LHPP: variants seen among roughly 807,000 people sequenced by gnomAD.
The protein encoded by LHPP is phospholysine phosphohistidine inorganic pyrophosphate phosphatase.
LHPP carries 24 observed loss-of-function variants against 30.3 expected under a neutral mutation model. The observed-to-expected ratio is 0.79, with a 90% CI of 0.57 to 1.11. The LOEUF (loss-of-function observed/expected upper bound fraction) is 1.11, where lower values mean the gene tolerates loss of function less well. LHPP is among the 50% of genes most tolerant of loss of function. LHPP has a pLI of 0.00. For synonymous variants in LHPP, 150 were observed against 157.1 expected (o/e 0.95, Z 0.34); for missense variants, 356 against 367.2 (o/e 0.97, Z 0.25).
intron 1 of LHPP, among the ~76,000 whole-genome samples, chr10:124,462,308 A>C (rs1231991920): frequency 6.6e-6 from 1 of 152,028 alleles, no homozygotes; most frequent in Non-Finnish European, 1.5e-5. Context: ...GATTAACAAG[A>C]CTTAGCCGGG....
intron 1 of LHPP, among the ~76,000 whole-genome samples, chr10:124,476,936 G>A (rs759451995): frequency 2.0e-5 from 3 of 152,170 alleles, no homozygotes; most frequent in Admixed American, 1.3e-4. Context: ...GCCGGGTGCC[G>A]GTGGCTTACG....
rs1021190883 is a variant in LHPP at position 124,593,263 on chromosome 10, C to T, written c.717-20001C>T. 3.3e-5 allele frequency among the ~76,000 whole-genome samples: 5 copies of T among 152,130 alleles called. No homozygotes were observed. Among genetic ancestry groups the T allele is most frequent in the South Asian group, 2.1e-4 (1 of 4,822 alleles). ...CTCTTTCTCTTTGGGTCCTGCAGCC[C>T]GTGGGTGGCAGGGCGGTAACCCCAT... On this transcript the variant is annotated intron_variant, in intron 6 of 6. Coordinates refer to ENST00000368842, the MANE Select transcript of LHPP (RefSeq NM_022126.4). This position sits in a 1 kb window ranked among gnomAD's most constrained non-coding sequence, Gnocchi z 4.9.
intron 1 of LHPP, among the ~76,000 whole-genome samples, chr10:124,473,671 G>T (rs1438671312): frequency 1.3e-5 from 2 of 152,170 alleles, no homozygotes; most frequent in African/African-American, 4.8e-5. Context: ...CCAATGTTTG[G>T]GTGGGGCGAG....
Position 124,549,005 on chromosome 10 carries a change from T to C in LHPP, c.716+31734T>C, listed in dbSNP as rs932711251. 2.6e-5 allele frequency among the ~76,000 whole-genome samples: 4 copies of C among 152,336 alleles called. No homozygotes were observed. The East Asian group carries it at 7.7e-4, about 29-fold the overall frequency. On this transcript the variant is annotated intron_variant, in intron 6 of 6. Coordinates refer to ENST00000368842, the MANE Select transcript of LHPP (RefSeq NM_022126.4). Reference sequence around the variant, plus strand: ...ATAAATACATGCATGGCAAAACACTTGACATCTATTAACTTCTAAGTGGCA... The same window carrying C: ...ATAAATACATGCATGGCAAAACACTCGACATCTATTAACTTCTAAGTGGCA...
At chr10:124,549,319 G>C (rs763528714) in intron 6 of LHPP, among the ~76,000 whole-genome samples, 67 of 152,022 alleles carry the variant, frequency 4.4e-4, no homozygotes, top group Non-Finnish European at 8.8e-5. Flanking sequence ...TGTAGCCCCA[G>C]CTACTCGGGA....
chr10:124,462,119 C>A, intron 1 of LHPP, 132 bp downstream of exon 1: 1 of 840,006 alleles, frequency 1.2e-6, no homozygotes, highest in Non-Finnish European at 1.5e-6. Flanking sequence ...CCCCTTCCCA[C>A]CCCGGTGCGC....
intron 6 of LHPP, among the ~76,000 whole-genome samples, chr10:124,537,728 C>T (rs1243751182): frequency 1.3e-5 from 2 of 152,244 alleles, no homozygotes; most frequent in Non-Finnish European, 2.9e-5. Flanking sequence ...ATTTCCTGCT[C>T]CTGTGGGCCC....
chr10:124,526,613 CCG>C (rs1954744939), intron 6 of LHPP, among the ~76,000 whole-genome samples: 1 of 152,238 alleles, frequency 6.6e-6, no homozygotes, highest in Admixed American at 6.5e-5. Context: ...CCGCCCTCCC[CCG>C]CTTTGGCCCC....
intron 5 of LHPP, among the ~76,000 whole-genome samples, chr10:124,511,003 C>T (rs557942952): frequency 6.6e-6 from 1 of 152,194 alleles, no homozygotes; most frequent in African/African-American, 2.4e-5. Context: ...CGGGAGCACG[C>T]GGTGCCACTG....
intron 1 of LHPP, among the ~76,000 whole-genome samples, chr10:124,479,384 C>G (rs998525022): frequency 2.0e-5 from 3 of 152,216 alleles, no homozygotes; most frequent in African/African-American, 7.2e-5. Flanking sequence ...GTACTTCATG[C>G]CTCCCAAGGC....
chr10:124,534,677 G>A (rs113070810), intron 6 of LHPP, among the ~76,000 whole-genome samples: 1,928 of 152,318 alleles, frequency 0.013, 43 homozygotes, highest in African/African-American at 0.042. Flanking sequence ...CGCTGTGAGC[G>A]CCCGTCCTTC....
At chr10:124,505,323 A>T (rs2133887776) in intron 5 of LHPP, among the ~76,000 whole-genome samples, 1 of 152,294 alleles carries the variant, frequency 6.6e-6, no homozygotes, top group South Asian at 2.1e-4. Flanking sequence ...AATGCCTGCA[A>T]GGACCTCTCT....
chr10:124,515,136 ATCAG>A (rs1434835494), intron 5 of LHPP, among the ~76,000 whole-genome samples: 2 of 152,176 alleles, frequency 1.3e-5, no homozygotes, highest in Non-Finnish European at 2.9e-5. Context: ...TTGCGTGTAC[ATCAG>A]GCCGCTTGAA....
At chr10:124,514,173 C>A (rs1454999076) in intron 5 of LHPP, among the ~76,000 whole-genome samples, 1 of 152,170 alleles carries the variant, frequency 6.6e-6, no homozygotes, top group Non-Finnish European at 1.5e-5. Flanking sequence ...GCCACACAAC[C>A]CAGCCTGGGG....
chr10:124,498,436 A>G (rs1953796143), intron 5 of LHPP: 2 of 1,520,504 alleles, frequency 1.3e-6, no homozygotes, highest in South Asian at 1.2e-5. Context: ...GTGTTAATAT[A>G]TCTCACTGGC....
At chr10:124,533,162 G>T (rs182557564) in intron 6 of LHPP, among the ~76,000 whole-genome samples, 1 of 152,312 alleles carries the variant, frequency 6.6e-6, no homozygotes, top group African/African-American at 2.4e-5. Flanking sequence ...CCTGGCCTCT[G>T]CAGGCATCTG....
At chr10:124,605,879 C>A (rs968195009) in intron 6 of LHPP, among the ~76,000 whole-genome samples, 1 of 151,980 alleles carries the variant, frequency 6.6e-6, no homozygotes, top group Non-Finnish European at 1.5e-5. Flanking sequence ...CAGGCTTCAG[C>A]AGAAGACCTC....
At chr10:124,601,625 C>T (rs1042112877) in intron 6 of LHPP, among the ~76,000 whole-genome samples, 15 of 152,356 alleles carry the variant, frequency 9.8e-5, no homozygotes, top group Non-Finnish European at 1.3e-4. Context: ...GTGAGAACCG[C>T]GCAGGAAATA....
In LHPP at chr10:124,514,758, T is replaced by G. The variant is rs190386073; in HGVS notation, c.625-2422T>G. 1.7e-3 allele frequency among the ~76,000 whole-genome samples: 260 copies of G among 152,278 alleles called. 1 individual carries two copies. The highest frequency in any genetic ancestry group is 0.014 in the Admixed American group (221 of 15,294). On this transcript the variant is annotated intron_variant, in intron 5 of 6. Coordinates refer to ENST00000368842, the MANE Select transcript of LHPP (RefSeq NM_022126.4). ...TCAAGTTTGGAAAAGTTTCAGTCAC[T>G]ATTTCTTCAAATATATTTATGTCTT...
Sources: gnomAD v4.1 joint callset for allele counts (sites outside exome capture counted in the v4.1 genomes callset) on GRCh38, gnomAD v4.1.1 for gene constraint, Gnocchi (gnomAD v3.1) non-coding constraint, MANE v1.5 for transcripts, NCBI Gene and HGNC (gene_info 2026-07-23, HGNC 2026-07-21) for gene names.